Variants in PDE4A observed in about 807,000 individuals in gnomAD.
The protein encoded by PDE4A is 3',5'-cyclic-AMP phosphodiesterase 4A.
A neutral mutation model predicts 73.9 loss-of-function variants in PDE4A; 21 were observed. That is an observed-to-expected ratio of 0.28 (90% CI 0.20 to 0.41). The LOEUF (loss-of-function observed/expected upper bound fraction) is 0.41. PDE4A is among the 10% of genes least tolerant of loss of function. The pLI, the probability that PDE4A is intolerant of heterozygous loss-of-function variation, is 1.00. For missense variants in PDE4A, 958 were observed against 1,211.4 expected (o/e 0.79, Z 3.10); for synonymous variants, 463 against 505.4 (o/e 0.92, Z 1.13).
chr19:10,449,907 G>C (rs964380642), intron 4 of PDE4A, among the ~76,000 whole-genome samples: 1 of 151,114 alleles, frequency 6.6e-6, no homozygotes, highest in Non-Finnish European at 1.5e-5. Context: ...CAGCCCAGGG[G>C]AAACAAAATG....
chr19:10,425,670 CTT>C (rs1204411807), intron 1 of PDE4A, among the ~76,000 whole-genome samples: 1 of 152,026 alleles, frequency 6.6e-6, no homozygotes. Flanking sequence ...TGAGCCCACT[CTT>C]TTCATTGTGG....
chr19:10,462,929 C>T (rs1599458110), intron 13 of PDE4A, among the ~76,000 whole-genome samples: 1 of 152,150 alleles, frequency 6.6e-6, no homozygotes, highest in African/African-American at 2.4e-5. Context: ...TGTGGTGGCT[C>T]ACGCCTATAA....
In PDE4A at chr19:10,467,577, C is replaced by T; in HGVS notation, c.2617C>T (p.Leu873Phe). The T allele has an allele frequency of 6.3e-7, 1 of 1,595,628 alleles. No individual in the cohort carries two copies. The highest frequency in any genetic ancestry group is 8.6e-7 in the Non-Finnish European group (1 of 1,168,862). The change falls in exon 15 of 15, where the codon CTC (leucine) becomes TTC (phenylalanine). Residue 873 changes from leucine to phenylalanine, a missense_variant. This residue lies in a region of PDE4A where 243 missense variants were observed against 245.9 expected (regional missense o/e 0.99). Transcript: ENST00000380702. Reference sequence around the variant, plus strand: ...GACATTTGGGGAGGACACATCCGCACTCCCAGCTCCTGGTGGCGGGGGGTC... The same window carrying T: ...GACATTTGGGGAGGACACATCCGCATTCCCAGCTCCTGGTGGCGGGGGGTC... ...AGTFGEDTSALPAPGGGGSGG... is the reference protein window; with the variant it reads ...AGTFGEDTSAFPAPGGGGSGG...
chr19:10,433,150 C>T (rs1051844322), intron 1 of PDE4A, among the ~76,000 whole-genome samples: 3 of 152,114 alleles, frequency 2.0e-5, no homozygotes, highest in African/African-American at 7.2e-5. Flanking sequence ...GCTCCATGGT[C>T]TCTAACACAG....
chr19:10,433,323 C>T (rs111830274), intron 1 of PDE4A, among the ~76,000 whole-genome samples: 9 of 143,414 alleles, frequency 6.3e-5, no homozygotes, highest in African/African-American at 1.8e-4. Flanking sequence ...CGCACATCCT[C>T]GTCTACACTG....
At position 10,427,575 on chromosome 19, in the gene PDE4A, T is replaced by C. The variant is rs536741291; in HGVS notation, c.320+6491T>C. ...GCTTCCTAGGACGGGACAAGCATCA[T>C]TGGGCTGGAAGGAAACTCATCCATA... On this transcript the variant is annotated intron_variant, in intron 1 of 14. Coordinates refer to ENST00000380702, the MANE Select transcript of PDE4A (RefSeq NM_001111307.2). The C allele has an allele frequency of 5.1e-6, 5 of 985,422 alleles. No individual in the cohort carries two copies. The African/African-American group carries it at 5.2e-5, about 10-fold the overall frequency. The allele number at this position is 985,422 out of a possible 1,614,324, so 61.0% of individuals were successfully genotyped here.
Position 10,462,966 on chromosome 19 carries a change from G to A in PDE4A, c.1744-827G>A, listed in dbSNP as rs116136368. Among the ~76,000 whole-genome samples the A allele has an allele frequency of 5.4e-3, 817 of 152,316 alleles. 11 individuals carry two copies. Among genetic ancestry groups the A allele is most frequent in the African/African-American group, 0.019 (782 of 41,570 alleles). On this transcript the variant is annotated intron_variant, in intron 13 of 14. Coordinates refer to ENST00000380702, the MANE Select transcript of PDE4A (RefSeq NM_001111307.2). ...CTCAACTACTCCAGAGGCTGAGGCAGGAGGACTGTTTGAGGCCAGGAGTTT... is the reference window on the plus strand; with the variant it reads ...CTCAACTACTCCAGAGGCTGAGGCAAGAGGACTGTTTGAGGCCAGGAGTTT...
At chr19:10,422,302 G>A (rs2042661337) in intron 1 of PDE4A, among the ~76,000 whole-genome samples, 1 of 152,196 alleles carries the variant, frequency 6.6e-6, no homozygotes, top group African/African-American at 2.4e-5. Context: ...GAAACACAGT[G>A]GCTGTGTGTT....
intron 1 of PDE4A, among the ~76,000 whole-genome samples, chr19:10,430,407 C>T (rs532685508): frequency 6.6e-6 from 1 of 151,914 alleles, no homozygotes; most frequent in Non-Finnish European, 1.5e-5. Flanking sequence ...TGAGAAGCCC[C>T]GGGATTTGGG....
intron 1 of PDE4A, chr19:10,428,883 C>G: frequency 1.0e-6 from 1 of 985,386 alleles, no homozygotes; most frequent in Middle Eastern, 5.2e-4. Flanking sequence ...GGGTGGATCA[C>G]TTGAGGCCAG....
In PDE4A at chr19:10,450,671, G is replaced by T; in HGVS notation, c.670+19G>T. The T allele has an allele frequency of 1.2e-6, 2 of 1,602,488 alleles. No homozygotes were observed. The highest frequency in any genetic ancestry group is 1.1e-5 in the South Asian group (1 of 89,268). ...CTGTCAGGTAGCTAAGCCCAGAGGG[G>T]TGGGAAGGGGCCCCCCTTGCTGCCC... On this transcript the variant is annotated intron_variant, in intron 5 of 14. Transcript: ENST00000380702.
rs1478555806 is a variant in PDE4A, at chr19:10,458,534, C to T, written c.1101+432C>T. ...AGTGATCCATCTTTGGTGGCTCACT[C>T]AGCTGAGGCTTATTGTAACCCTCTT... On this transcript the variant is annotated intron_variant, in intron 8 of 14. Transcript: ENST00000380702. This position sits in a 1 kb window ranked among gnomAD's most constrained non-coding sequence, Gnocchi z 4.6. 6.6e-6 allele frequency among the ~76,000 whole-genome samples: 1 copy of T among 152,212 alleles called. No homozygotes were observed. Among genetic ancestry groups the T allele is most frequent in the Non-Finnish European group, 1.5e-5 (1 of 68,042 alleles).
At chr19:10,466,153 T>C (rs1357125568) in intron 14 of PDE4A, among the ~76,000 whole-genome samples, 2 of 148,934 alleles carry the variant, frequency 1.3e-5, no homozygotes, top group Non-Finnish European at 3.0e-5. Context: ...GCATTTAGCT[T>C]TTTAAAAAAT....
chr19:10,456,029 A>AC (rs139758154), intron 7 of PDE4A, among the ~76,000 whole-genome samples: 349 of 142,212 alleles, frequency 2.5e-3, no homozygotes, highest in East Asian at 0.011. Flanking sequence ...ACTTGGTATG[A>AC]CCCCCCCCCA....
At chr19:10,437,518 C>G (rs540574952) in intron 1 of PDE4A, among the ~76,000 whole-genome samples, 2 of 151,866 alleles carry the variant, frequency 1.3e-5, no homozygotes, top group South Asian at 4.2e-4. Flanking sequence ...ATCCTGGTCT[C>G]AAGCAATCAT....
At chr19:10,425,885 G>A (rs1490356581) in intron 1 of PDE4A, among the ~76,000 whole-genome samples, 2 of 151,240 alleles carry the variant, frequency 1.3e-5, no homozygotes, top group Admixed American at 6.6e-5. Context: ...TACTGGTGAG[G>A]CTGAGGCAGG....
At position 10,453,175 on chromosome 19, in the gene PDE4A, C is replaced by A; in HGVS notation, c.784-1654C>A. ...CTCCCCCTTCCACTACCCACCTGCC[C>A]GGCACCCCCTCCCCAGTGGTTGTTA... On this transcript the variant is annotated intron_variant, in intron 6 of 14. Transcript: ENST00000380702. This position sits in a 1 kb window ranked among gnomAD's most constrained non-coding sequence, Gnocchi z 4.6. 1 of 1,477,582 alleles carries A rather than the reference C, an allele frequency of 6.8e-7. No individual in the cohort carries two copies. Among genetic ancestry groups the A allele is most frequent in the Non-Finnish European group, 9.0e-7 (1 of 1,110,690 alleles). The allele number at this position is 1,477,582 out of a possible 1,614,324, so 91.5% of individuals were successfully genotyped here.
intron 1 of PDE4A, among the ~76,000 whole-genome samples, chr19:10,437,322 C>T (rs1300419895): frequency 2.6e-5 from 4 of 152,096 alleles, no homozygotes; most frequent in Non-Finnish European, 5.9e-5. Context: ...CGGGGTTTCA[C>T]CATGTTGGTC....
Position 10,421,073 on chromosome 19 carries a change from C to G in PDE4A, c.309C>G (p.Gly103=). Reference sequence around the variant, plus strand: ...CCGGCAGCGGCGGCGCGGGCGGAGGCAGCAGCAGGCGGTAAGACTCCCCGC... The same window carrying G: ...CCGGCAGCGGCGGCGCGGGCGGAGGGAGCAGCAGGCGGTAAGACTCCCCGC... ...TGTGSGGAGG[G]SSRRFEAENG... The change falls in exon 1 of 15, where the codon GGC becomes GGG. Residue 103 remains glycine (G), a synonymous_variant. Coordinates refer to ENST00000380702, the MANE Select transcript of PDE4A (RefSeq NM_001111307.2). 3.6e-6 allele frequency: 5 copies of G among 1,380,446 alleles called. No individual in the cohort carries two copies. Among genetic ancestry groups the G allele is most frequent in the Non-Finnish European group, 4.6e-6 (5 of 1,076,744 alleles). The allele number at this position is 1,380,446 out of a possible 1,614,324, so 85.5% of individuals were successfully genotyped here. A position where few individuals can be genotyped will look rare whatever the true frequency, so the allele number is the denominator to read the frequency against.
Sources: gnomAD v4.1 joint callset for allele counts (sites outside exome capture counted in the v4.1 genomes callset) on GRCh38, gnomAD v4.1.1 for gene constraint, gnomAD v4.1.1 regional missense constraint, Gnocchi (gnomAD v3.1) non-coding constraint, MANE v1.5 for transcripts, NCBI Gene and HGNC (gene_info 2026-07-23, HGNC 2026-07-21) for gene names.